Variants in FANCL observed in about 807,000 individuals in gnomAD.
FANCL encodes the protein E3 ubiquitin-protein ligase FANCL.
In FANCL, 69 loss-of-function variants were observed where a neutral mutation model predicts 59.4. The observed-to-expected ratio is 1.16, with a 90% CI of 0.96 to 1.42. The LOEUF (loss-of-function observed/expected upper bound fraction) is 1.42. Ranked by LOEUF, FANCL falls within the 40% of genes most tolerant of loss-of-function variation. The pLI, the probability that FANCL is intolerant of heterozygous loss-of-function variation, is 0.00. For synonymous variants in FANCL, 180 were observed against 147.1 expected (o/e 1.22, Z -1.62); for missense variants, 519 against 447.2 (o/e 1.16, Z -1.45).
At chr2:58,177,797 AAAAAAG>A (rs1416301913) in intron 7 of FANCL, among the ~76,000 whole-genome samples, 2 of 151,642 alleles carry the variant, frequency 1.3e-5, no homozygotes, top group Admixed American at 6.6e-5. Flanking sequence ...AAGATTAAAA[AAAAAAG>A]AAAAAGAAAA....
chr2:58,207,439 A>G (rs1375230527), intron 5 of FANCL, among the ~76,000 whole-genome samples: 1 of 152,194 alleles, frequency 6.6e-6, no homozygotes, highest in Non-Finnish European at 1.5e-5. Flanking sequence ...CTACTGAACA[A>G]TGCAGTCACA....
At chr2:58,203,436 T>TGGACA (rs1443870405) in intron 6 of FANCL, among the ~76,000 whole-genome samples, 1 of 152,018 alleles carries the variant, frequency 6.6e-6, no homozygotes, top group Non-Finnish European at 1.5e-5. Flanking sequence ...CATCCTGGTT[T>TGGACA]TCTTCAAATT....
At chr2:58,183,140 A>C (rs1688084907) in intron 7 of FANCL, among the ~76,000 whole-genome samples, 1 of 152,026 alleles carries the variant, frequency 6.6e-6, no homozygotes, top group African/African-American at 2.4e-5. Flanking sequence ...TATTGGACAA[A>C]GGATTGATAC....
intron 7 of FANCL, among the ~76,000 whole-genome samples, chr2:58,171,649 C>CTG (rs1279576062): frequency 6.6e-6 from 1 of 152,164 alleles, no homozygotes; most frequent in African/African-American, 2.4e-5. Context: ...ATAGGAACAG[C>CTG]TCCGGTCTAC....
Position 58,200,460 on chromosome 2 carries a change from G to A in FANCL, c.472-1798C>T, listed in dbSNP as rs1406069686. ...TAATGTGCACTTGAAACCTCTGTGG[G>A]TCAAAAATGGAAAATTTAGTTCATT... On this transcript the variant is annotated intron_variant, in intron 6 of 13. Coordinates refer to ENST00000233741, the MANE Select transcript of FANCL (RefSeq NM_018062.4). Among the ~76,000 whole-genome samples, 3 of 151,918 alleles carry A rather than the reference G, an allele frequency of 2.0e-5. No individual in the cohort carries two copies. In the South Asian group the frequency reaches 6.2e-4, roughly 31 times the overall value.
At chr2:58,159,955 T>TA in intron 13 of FANCL, 153 bp downstream of exon 13, 1 of 1,524,972 alleles carries the variant, frequency 6.6e-7, no homozygotes, top group South Asian at 1.3e-5. Context: ...AAAAGGAGTT[T>TA]AATGTTTTTG....
chr2:58,159,382 T>A lies in FANCL; in HGVS notation c.*383A>T. On this transcript the variant is annotated 3_prime_UTR_variant, in exon 14 of 14. Coordinates refer to ENST00000233741, the MANE Select transcript of FANCL (RefSeq NM_018062.4). ...AAGGAGAAGACAGAAATATCAAGAG[T>A]CTCAAGAACCTTTGAATGAAGTAAA... is the stretch of plus-strand genomic sequence containing the variant. 1.2e-6 allele frequency: 2 copies of A among 1,610,494 alleles called. No homozygotes were observed. The highest frequency in any genetic ancestry group is 1.7e-6 in the Non-Finnish European group (2 of 1,178,712).
chr2:58,181,737 A>G (rs1044928805), intron 7 of FANCL, among the ~76,000 whole-genome samples: 6 of 152,008 alleles, frequency 3.9e-5, no homozygotes, highest in East Asian at 1.9e-4. Context: ...AACTTTTTCA[A>G]TGTTTCTTGT....
At chr2:58,219,171 A>AAAAAATATATACAT (rs1558810201) in intron 5 of FANCL, among the ~76,000 whole-genome samples, 1 of 19,262 alleles carries the variant, frequency 5.2e-5, no homozygotes, top group Non-Finnish European at 9.0e-5. Flanking sequence ...AAAAAAAAAA[A>AAAAAATATATACAT]ATATATATAT....
At chr2:58,184,371 T>G (rs991299129) in intron 7 of FANCL, among the ~76,000 whole-genome samples, 29 of 152,068 alleles carry the variant, frequency 1.9e-4, no homozygotes, top group East Asian at 1.9e-4. Context: ...AATCTACTAT[T>G]ATTGTCTAAA....
At chr2:58,183,515 A>G (rs1167660927) in intron 7 of FANCL, among the ~76,000 whole-genome samples, 1 of 151,870 alleles carries the variant, frequency 6.6e-6, no homozygotes, top group African/African-American at 2.4e-5. Flanking sequence ...ATCTTTATCC[A>G]TGCTCTTAAT....
At chr2:58,239,911 T>TTTGTATTATA (rs1421612556) in intron 1 of FANCL, among the ~76,000 whole-genome samples, 4 of 152,198 alleles carry the variant, frequency 2.6e-5, no homozygotes, top group African/African-American at 9.6e-5. Context: ...ACAAAATATT[T>TTTGTATTATA]TTAGACACGT....
At chr2:58,183,479 G>C (rs1010052688) in intron 7 of FANCL, among the ~76,000 whole-genome samples, 1 of 151,790 alleles carries the variant, frequency 6.6e-6, no homozygotes, top group African/African-American at 2.4e-5. Context: ...TCAGTGAAGA[G>C]GTCAGCATTT....
At chr2:58,179,184 T>C (rs1401671037) in intron 7 of FANCL, among the ~76,000 whole-genome samples, 1 of 152,082 alleles carries the variant, frequency 6.6e-6, no homozygotes, top group Non-Finnish European at 1.5e-5. Flanking sequence ...TTCAATGCTA[T>C]CCCCATCAAT....
At chr2:58,176,402 A>C (rs1687317484) in intron 7 of FANCL, among the ~76,000 whole-genome samples, 1 of 151,776 alleles carries the variant, frequency 6.6e-6, no homozygotes, top group Admixed American at 6.5e-5. Context: ...ACAGTAACCA[A>C]AACAGCATGG....
chr2:58,233,157 T>C (rs1307981646), intron 1 of FANCL, among the ~76,000 whole-genome samples: 2 of 152,098 alleles, frequency 1.3e-5, no homozygotes, highest in African/African-American at 4.8e-5. Flanking sequence ...AAAGGTATTA[T>C]GTAGTAACTT....
intron 1 of FANCL, 42 bp from the exon 2 acceptor site, chr2:58,232,154 T>C: frequency 6.7e-7 from 1 of 1,491,426 alleles, no homozygotes; most frequent in Non-Finnish European, 9.4e-7. Flanking sequence ...TTTTTATCTT[T>C]CACTTAATGC....
chr2:58,207,869 C>T (rs1167844614), intron 5 of FANCL, among the ~76,000 whole-genome samples: 2 of 152,068 alleles, frequency 1.3e-5, no homozygotes, highest in African/African-American at 2.4e-5. Context: ...CCAGCCTGGG[C>T]GACACAGTGA....
intron 5 of FANCL, among the ~76,000 whole-genome samples, chr2:58,221,401 G>A (rs180720762): frequency 6.6e-6 from 1 of 151,766 alleles, no homozygotes; most frequent in Non-Finnish European, 1.5e-5. Flanking sequence ...TTGCATACAC[G>A]TTTACTGAAC....
Sources: gnomAD v4.1 joint callset for allele counts (sites outside exome capture counted in the v4.1 genomes callset) on GRCh38, gnomAD v4.1.1 for gene constraint, MANE v1.5 for transcripts, NCBI Gene and HGNC (gene_info 2026-07-23, HGNC 2026-07-21) for gene names.